The following DPYD variants were observed in gnomAD, a reference collection of about 807,000 sequenced individuals.
The protein encoded by DPYD is dihydropyrimidine dehydrogenase [NADP(+)].
DPYD carries 109 observed loss-of-function variants against 116.2 expected under a neutral mutation model. The ratio of observed to expected loss-of-function variants is 0.94; its 90% CI spans 0.80 to 1.10. The LOEUF (loss-of-function observed/expected upper bound fraction) is 1.10. Among genes scored for constraint, DPYD ranks in the 50% least tolerant of loss-of-function variants. The pLI, the probability that DPYD is intolerant of heterozygous loss-of-function variation, is 0.00. For missense variants in DPYD, 1,302 were observed against 1,254.5 expected (o/e 1.04, Z -0.57); for synonymous variants, 440 against 432.0 (o/e 1.02, Z -0.23).
chr1:97,433,749 A>T (rs1323098635), intron 14 of DPYD, among the ~76,000 whole-genome samples: 1 of 152,190 alleles, frequency 6.6e-6, no homozygotes, highest in Non-Finnish European at 1.5e-5. Context: ...AACAACTGTG[A>T]GTCATAAAAC....
At chr1:97,574,859 G>A (rs1310556484) in intron 10 of DPYD, among the ~76,000 whole-genome samples, 9 of 152,050 alleles carry the variant, frequency 5.9e-5, no homozygotes, top group Non-Finnish European at 8.8e-5. Context: ...TGAAAGCCAG[G>A]TAGATTCTCA....
chr1:97,814,309 T>C (rs1668473219), intron 3 of DPYD, among the ~76,000 whole-genome samples: 1 of 152,172 alleles, frequency 6.6e-6, no homozygotes, highest in Admixed American at 6.5e-5. Context: ...CAAAGGTTTT[T>C]GCAAGACAAG....
At chr1:97,719,943 C>T (rs2101022575) in intron 5 of DPYD, 1 of 984,890 alleles carries the variant, frequency 1.0e-6, no homozygotes, top group African/African-American at 1.7e-5. Flanking sequence ...ATGGCAAGAC[C>T]TAAGTGTGAC....
intron 18 of DPYD, among the ~76,000 whole-genome samples, chr1:97,287,397 G>T (rs1355948937): frequency 2.6e-5 from 4 of 152,184 alleles, no homozygotes; most frequent in Non-Finnish European, 5.9e-5. Flanking sequence ...CACTTGAGGA[G>T]GCAGTCTGCC....
intron 13 of DPYD, among the ~76,000 whole-genome samples, chr1:97,509,863 A>G (rs1289743425): frequency 6.6e-6 from 1 of 151,952 alleles, no homozygotes; most frequent in Non-Finnish European, 1.5e-5. Flanking sequence ...CATATCCAAA[A>G]ATAAAAGAAA....
At chr1:97,665,718 GT>G (rs1157563076) in intron 8 of DPYD, among the ~76,000 whole-genome samples, 1 of 152,008 alleles carries the variant, frequency 6.6e-6, no homozygotes, top group Admixed American at 6.6e-5. Flanking sequence ...TTTTCCTATG[GT>G]TTTTAACAAA....
chr1:97,720,149 TTCTCTC>T (rs569965952), intron 5 of DPYD: 4 of 946,426 alleles, frequency 4.2e-6, no homozygotes, highest in African/African-American at 1.8e-5. Flanking sequence ...CTCTCTCTCT[TTCTCTC>T]TCTCTCTCTC....
intron 8 of DPYD, among the ~76,000 whole-genome samples, chr1:97,633,824 T>C (rs1475962763): frequency 6.6e-6 from 1 of 152,000 alleles, no homozygotes; most frequent in East Asian, 1.9e-4. Context: ...AGACAATATA[T>C]GGGGGAATTA....
intron 18 of DPYD, among the ~76,000 whole-genome samples, chr1:97,258,058 G>C (rs1044178597): frequency 3.3e-5 from 5 of 151,982 alleles, no homozygotes; most frequent in African/African-American, 9.7e-5. Context: ...ATGAGCAAAA[G>C]GATACAGATC....
chr1:97,695,765 AG>A (rs1226766890), intron 6 of DPYD, among the ~76,000 whole-genome samples: 1 of 152,116 alleles, frequency 6.6e-6, no homozygotes, highest in Non-Finnish European at 1.5e-5. Flanking sequence ...TTGAAACTAA[AG>A]GAAGAATGAA....
At chr1:97,279,477 T>C (rs1309322129) in intron 18 of DPYD, among the ~76,000 whole-genome samples, 1 of 151,522 alleles carries the variant, frequency 6.6e-6, no homozygotes, top group South Asian at 2.1e-4. Flanking sequence ...TTTCTAGTGG[T>C]CCACTGGAGA....
chr1:97,838,207 G>A (rs1669861883), intron 2 of DPYD, among the ~76,000 whole-genome samples: 1 of 152,024 alleles, frequency 6.6e-6, no homozygotes, highest in Non-Finnish European at 1.5e-5. Flanking sequence ...TGTTTAGTAT[G>A]TTTCTAATAC....
chr1:97,815,751 T>G (rs1668572688), intron 3 of DPYD, among the ~76,000 whole-genome samples: 1 of 152,208 alleles, frequency 6.6e-6, no homozygotes, highest in African/African-American at 2.4e-5. Flanking sequence ...TTTATTTGTT[T>G]GTCTTTAAGA....
At chr1:97,547,006 T>C (rs1650925505) in intron 12 of DPYD, 2 of 1,558,306 alleles carry the variant, frequency 1.3e-6, no homozygotes, top group African/African-American at 1.4e-5. Context: ...ATATTTGCAA[T>C]TTTTTGCTGT....
chr1:97,298,553 C>T (rs1666671034), intron 18 of DPYD, among the ~76,000 whole-genome samples: 3 of 152,154 alleles, frequency 2.0e-5, no homozygotes, highest in Admixed American at 2.0e-4. Flanking sequence ...AATCTGATTT[C>T]TTCTTATGTA....
chr1:97,664,340 GTA>G (rs148781303), intron 8 of DPYD, among the ~76,000 whole-genome samples: 13 of 151,150 alleles, frequency 8.6e-5, no homozygotes, highest in Non-Finnish European at 1.9e-4. Flanking sequence ...GTATGTGTGT[GTA>G]TATATATATA....
chr1:97,774,059 C>G (rs998566383), intron 3 of DPYD, among the ~76,000 whole-genome samples: 1 of 152,218 alleles, frequency 6.6e-6, no homozygotes, highest in African/African-American at 2.4e-5. Flanking sequence ...ACCCTAGATG[C>G]TGCCGTGGGG....
At chr1:97,365,223 T>C (rs1043779761) in intron 16 of DPYD, among the ~76,000 whole-genome samples, 1 of 152,222 alleles carries the variant, frequency 6.6e-6, no homozygotes, top group Non-Finnish European at 1.5e-5. Context: ...CTCAGTCTTG[T>C]CCACCAGTTC....
In DPYD at chr1:97,593,284, A is replaced by C; in HGVS notation, c.1062T>G (p.Cys354Trp). The part of the protein sequence containing the change: ...AFDCATSALR[C>W]GARRVFIVFR... ...AGACGATGAACACACGGCGAGCTCC[A>C]CAACGTAGAGCAGATGTTGCACAGT... is the stretch of plus-strand genomic sequence containing the variant. Residue 354 changes from cysteine to tryptophan, a missense_variant, in exon 10 of 23, where the codon TGT becomes TGG. Cys to Trp is a radical substitution (Grantham distance 215). Coordinates refer to ENST00000370192, the MANE Select transcript of DPYD (RefSeq NM_000110.4). The C allele has an allele frequency of 6.2e-7, 1 of 1,614,174 alleles. No individual in the cohort carries two copies. Among genetic ancestry groups the C allele is most frequent in the Non-Finnish European group, 8.5e-7 (1 of 1,180,014 alleles).
Sources: gnomAD v4.1 joint callset for allele counts (sites outside exome capture counted in the v4.1 genomes callset) on GRCh38, gnomAD v4.1.1 for gene constraint, MANE v1.5 for transcripts, NCBI Gene and HGNC (gene_info 2026-07-23, HGNC 2026-07-21) for gene names.